Variants in ENOX2 observed in about 807,000 individuals in gnomAD.
ENOX2 encodes APK1 antigen.
A neutral mutation model predicts 45.0 loss-of-function variants in ENOX2; 36 were observed. The ratio of observed to expected loss-of-function variants is 0.80; its 90% confidence interval spans 0.61 to 1.06. ENOX2 has a LOEUF of 1.06. ENOX2 is among the 50% of genes least tolerant of loss of function. The pLI, the probability that ENOX2 is intolerant of heterozygous loss-of-function variation, is 0.00. For missense variants in ENOX2, 423 were observed against 462.5 expected, an observed-to-expected ratio of 0.91 and a Z score of 0.78; for synonymous variants, 174 against 152.3, an observed-to-expected ratio of 1.14 and a Z score of -1.05.
In ENOX2 at chrX:130,628,057, A is replaced by G; in HGVS notation, c.1529-14T>C. ...TGGAGATAATCCCTACAGAGACAAG[A>G]GCATGGAGGTTATACTTGAGCCTTG... On this transcript the variant is annotated splice_polypyrimidine_tract_variant and intron_variant, in intron 13 of 14. Transcript: ENST00000394363. 1 of 1,131,575 alleles carries G rather than the reference A, an allele frequency of 8.8e-7. No homozygotes were observed. The highest frequency in any genetic ancestry group is 1.2e-6 in the Non-Finnish European group (1 of 822,421). The allele number at this position is 1,131,575 out of a possible 1,213,427, so 93.3% of individuals were successfully genotyped here.
chrX:130,790,295 G>A (rs1453609929), intron 2 of ENOX2, among the ~76,000 whole-genome samples: 4 of 111,739 alleles, frequency 3.6e-5, no homozygotes, highest in Non-Finnish European at 5.6e-5. Flanking sequence ...TGGGATACAG[G>A]TCATAGACCA....
At chrX:130,714,275 A>T (rs1382541907) in intron 3 of ENOX2, among the ~76,000 whole-genome samples, 1 of 112,185 alleles carries the variant, frequency 8.9e-6, no homozygotes, top group Non-Finnish European at 1.9e-5. Context: ...TGGAGTTTGG[A>T]AGGCTAGTTT....
At position 130,631,514 on chromosome X, in the gene ENOX2, G is replaced by C; in HGVS notation, c.1482C>G (p.Thr494=). The C allele has an allele frequency of 8.3e-7, 1 of 1,206,403 alleles. No homozygotes were observed. The highest frequency in any genetic ancestry group is 1.1e-6 in the Non-Finnish European group (1 of 890,709). ...NQDSEYPLEK[T]MNSSPIKSER... is the part of the protein sequence containing the mutation. Reference sequence around the variant, plus strand: ...CAGATTTGATAGGACTGCTGTTCATGGTCTTCTCAAGAGGGTATTCGCTAT... The same window carrying C: ...CAGATTTGATAGGACTGCTGTTCATCGTCTTCTCAAGAGGGTATTCGCTAT... Residue 494 remains threonine (T), a synonymous_variant, in exon 13 of 15, where the codon ACC becomes ACG. Coordinates refer to ENST00000394363, the MANE Select transcript of ENOX2 (RefSeq NM_006375.4).
At chrX:130,897,283 A>G (rs2079073073) in intron 2 of ENOX2, among the ~76,000 whole-genome samples, 1 of 112,109 alleles carries the variant, frequency 8.9e-6, no homozygotes, top group Non-Finnish European at 1.9e-5. Context: ...CATGAGCACA[A>G]TGTGAACCAC....
intron 10 of ENOX2, among the ~76,000 whole-genome samples, chrX:130,640,804 C>T (rs965489582): frequency 9.0e-5 from 10 of 111,427 alleles, no homozygotes; most frequent in Non-Finnish European, 1.7e-4. Context: ...CTAATGCACA[C>T]TGGGCTTACT....
At chrX:130,855,424 A>AT (rs1427297493) in intron 2 of ENOX2, among the ~76,000 whole-genome samples, 3 of 111,987 alleles carry the variant, frequency 2.7e-5, no homozygotes, top group Non-Finnish European at 3.8e-5. Flanking sequence ...TAACGATGAA[A>AT]AATAAAAGAA....
chrX:130,824,041 C>T, intron 2 of ENOX2, among the ~76,000 whole-genome samples: 1 of 112,128 alleles, frequency 8.9e-6, no homozygotes, highest in Non-Finnish European at 1.9e-5. Flanking sequence ...GACTATAAAA[C>T]AATTTCTTCA....
intron 10 of ENOX2, among the ~76,000 whole-genome samples, chrX:130,649,715 T>C (rs914147535): frequency 3.0e-4 from 34 of 112,325 alleles, no homozygotes; most frequent in African/African-American, 1.0e-3. Context: ...GTTATGCAGA[T>C]TTTGTGTCTC....
At chrX:130,711,147 T>C (rs2038179995) in intron 3 of ENOX2, among the ~76,000 whole-genome samples, 1 of 111,935 alleles carries the variant, frequency 8.9e-6, no homozygotes, top group South Asian at 3.7e-4. Context: ...AAGGAAACAG[T>C]AGAACAAATC....
intron 9 of ENOX2, among the ~76,000 whole-genome samples, chrX:130,662,069 A>C (rs1190235557): frequency 3.6e-5 from 4 of 111,838 alleles, no homozygotes. Context: ...ATTCTGTAGA[A>C]AAAGAGTTCC....
chrX:130,645,824 C>G, intron 10 of ENOX2: 2 of 741,461 alleles, frequency 2.7e-6, no homozygotes, highest in Non-Finnish European at 4.2e-6. Flanking sequence ...TCAGCACCAC[C>G]TCCAGGCAGG....
At chrX:130,671,711 C>T (rs999685820) in intron 6 of ENOX2, among the ~76,000 whole-genome samples, 3 of 111,742 alleles carry the variant, frequency 2.7e-5, no homozygotes, top group African/African-American at 9.8e-5. Flanking sequence ...CAGAAAAACT[C>T]ACACTTCTGG....
chrX:130,827,533 T>C (rs988324444), intron 2 of ENOX2, among the ~76,000 whole-genome samples: 2 of 111,750 alleles, frequency 1.8e-5, no homozygotes, highest in Admixed American at 9.5e-5. Context: ...GTCTTCCTTA[T>C]TTGGCCATAA....
intron 2 of ENOX2, among the ~76,000 whole-genome samples, chrX:130,835,534 T>C (rs1474132092): frequency 2.7e-5 from 3 of 111,513 alleles, no homozygotes; most frequent in Non-Finnish European, 3.8e-5. Context: ...TTAATATTTA[T>C]TTACATGTAA....
chrX:130,875,364 T>C (rs1368400087), intron 2 of ENOX2, among the ~76,000 whole-genome samples: 3 of 109,366 alleles, frequency 2.7e-5, no homozygotes, highest in Admixed American at 9.8e-5. Flanking sequence ...AAGAGCAAAG[T>C]TGGAGGACTC....
intron 2 of ENOX2, among the ~76,000 whole-genome samples, chrX:130,867,687 AT>A (rs2078512621): frequency 8.9e-6 from 1 of 111,956 alleles, no homozygotes; most frequent in Admixed American, 9.5e-5. Flanking sequence ...CTAATTCTAA[AT>A]TTTAACATTG....
intron 3 of ENOX2, among the ~76,000 whole-genome samples, chrX:130,718,880 C>G (rs1394282515): frequency 9.0e-6 from 1 of 111,714 alleles, no homozygotes; most frequent in African/African-American, 3.3e-5. Flanking sequence ...AGTGCCGGAG[C>G]CCAGGGCAGA....
chrX:130,731,035 C>T (rs1285404354), intron 3 of ENOX2, among the ~76,000 whole-genome samples: 1 of 110,624 alleles, frequency 9.0e-6, no homozygotes, highest in Non-Finnish European at 1.9e-5. Flanking sequence ...GGTGCCCTGG[C>T]TGAGGAGGGA....
At chrX:130,653,150 T>A (rs1405230625) in intron 10 of ENOX2, among the ~76,000 whole-genome samples, 1 of 111,592 alleles carries the variant, frequency 9.0e-6, no homozygotes, top group Non-Finnish European at 1.9e-5. Flanking sequence ...CGAAAATGAC[T>A]CCTAGCATCT....
Sources: gnomAD v4.1 joint callset for allele counts (sites outside exome capture counted in the v4.1 genomes callset) on GRCh38, gnomAD v4.1.1 for gene constraint, MANE v1.5 for transcripts, NCBI Gene and HGNC (gene_info 2026-07-23, HGNC 2026-07-21) for gene names.